The following DCBLD2 variants were observed in gnomAD, a reference collection of about 807,000 sequenced individuals.
DCBLD2 encodes the protein discoidin, CUB and LCCL domain-containing protein 2.
Under a neutral mutation model 86.8 loss-of-function variants are expected in DCBLD2, and 54 were observed. The ratio of observed to expected loss-of-function variants is 0.62; its 90% CI spans 0.50 to 0.78. DCBLD2 has a LOEUF of 0.78. Among genes scored for constraint, DCBLD2 ranks in the 30% least tolerant of loss-of-function variants. The pLI is 0.00. For synonymous variants in DCBLD2, 354 were observed against 341.3 expected (o/e 1.04, Z -0.41); for missense variants, 908 against 954.2 (o/e 0.95, Z 0.64).
rs1173486266 is a variant in DCBLD2 at position 98,822,308 on chromosome 3, C to T, written c.750G>A (p.Leu250=). 1 of 1,613,958 alleles carries T rather than the reference C, an allele frequency of 6.2e-7. No homozygotes were observed. Among genetic ancestry groups the T allele is most frequent in the Admixed American group, 1.7e-5 (1 of 60,014 alleles). The change falls in exon 6 of 16, where the codon TTG becomes TTA. Residue 250 remains leucine (L), a synonymous_variant. Transcript: ENST00000326840. The part of the protein sequence containing the change: ...GVHAGVVSNT[L]GGQISVVISK... ...TAATTACAACACTGATTTGGCCGCC[C>T]AACGTGTTTGACACTACTCCTGCAT...
chr3:98,866,261 T>C (rs899563801), intron 2 of DCBLD2, among the ~76,000 whole-genome samples: 12 of 152,166 alleles, frequency 7.9e-5, no homozygotes, highest in African/African-American at 2.7e-4. Flanking sequence ...TATTTCTAGT[T>C]CTAGATCCCT....
intron 13 of DCBLD2, among the ~76,000 whole-genome samples, chr3:98,805,531 G>A (rs1431330452): frequency 6.6e-6 from 1 of 152,142 alleles, no homozygotes; most frequent in Non-Finnish European, 1.5e-5. Flanking sequence ...AAAGTGCTTA[G>A]AATGAGCTCT....
chr3:98,815,546 T>C (rs1942005291), intron 9 of DCBLD2: 1 of 151,988 alleles, frequency 6.6e-6, no homozygotes, highest in Non-Finnish European at 1.5e-5. Flanking sequence ...TAAAAAAAAT[T>C]CGGGCAGGTA....
At chr3:98,841,625 A>G (rs1306391270) in intron 3 of DCBLD2, among the ~76,000 whole-genome samples, 1 of 152,172 alleles carries the variant, frequency 6.6e-6, no homozygotes, top group African/African-American at 2.4e-5. Flanking sequence ...TTCCTTCAAT[A>G]CTGTTTTGTG....
At chr3:98,829,367 T>C (rs959349700) in intron 3 of DCBLD2, among the ~76,000 whole-genome samples, 11 of 152,170 alleles carry the variant, frequency 7.2e-5, no homozygotes, top group Middle Eastern at 3.2e-3. Context: ...GGGGGTTTGC[T>C]GTATCTTTTG....
intron 6 of DCBLD2, chr3:98,820,981 G>GAAAAAAAA (rs372054460): frequency 1.1e-5 from 1 of 90,768 alleles, no homozygotes; most frequent in African/African-American, 4.2e-5. Flanking sequence ...AAATAATCTA[G>GAAAAAAAA]AAAAAAAAAA....
intron 7 of DCBLD2, among the ~76,000 whole-genome samples, chr3:98,819,756 C>A (rs985806569): frequency 6.6e-6 from 1 of 152,290 alleles, no homozygotes; most frequent in African/African-American, 2.4e-5. Context: ...GAGGTCTTCC[C>A]TGGGAGGAAG....
chr3:98,886,039 G>GA (rs576273103), intron 1 of DCBLD2, among the ~76,000 whole-genome samples: 132 of 151,930 alleles, frequency 8.7e-4, no homozygotes, highest in African/African-American at 3.0e-3. Context: ...GAAAATCTCA[G>GA]AAAAAAGATC....
Position 98,805,813 on chromosome 3 carries a change from T to C in DCBLD2, c.1670+2268A>G, listed in dbSNP as rs557513461. ...CAGGCTCTGTCTGACTTCTGCCCTCTCAACAGCGGCACTCCTCAGTCCTCC... is the reference window on the plus strand; with the variant it reads ...CAGGCTCTGTCTGACTTCTGCCCTCCCAACAGCGGCACTCCTCAGTCCTCC... On this transcript the variant is annotated intron_variant, in intron 13 of 15. Coordinates refer to ENST00000326840, the MANE Select transcript of DCBLD2 (RefSeq NM_080927.4). Among the ~76,000 whole-genome samples the C allele has an allele frequency of 4.6e-5, 7 of 152,290 alleles. No homozygotes were observed. The East Asian group carries it at 9.6e-4, about 21-fold the overall frequency.
intron 13 of DCBLD2, among the ~76,000 whole-genome samples, chr3:98,807,437 T>C (rs565747021): frequency 1.3e-5 from 2 of 152,260 alleles, no homozygotes; most frequent in East Asian, 3.9e-4. Flanking sequence ...CCTTCCACCA[T>C]GAGAGGATCG....
intron 3 of DCBLD2, among the ~76,000 whole-genome samples, chr3:98,845,601 A>G (rs1942706716): frequency 6.6e-6 from 1 of 152,212 alleles, no homozygotes; most frequent in Admixed American, 6.5e-5. Context: ...GGAAGACTGC[A>G]TAAACAAAAA....
intron 3 of DCBLD2, among the ~76,000 whole-genome samples, chr3:98,835,938 C>CTTTCTTTTTTTTTTTTTTTTT (rs56279917): frequency 1.7e-5 from 2 of 115,052 alleles, no homozygotes; most frequent in African/African-American, 3.4e-5. Context: ...TCCTTTCTTT[C>CTTTCTTTTTTTTTTTTTTTTT]TTTTTTTTTT....
At chr3:98,870,700 GA>G (rs1323394272) in intron 2 of DCBLD2, among the ~76,000 whole-genome samples, 7 of 129,186 alleles carry the variant, frequency 5.4e-5, no homozygotes, top group Middle Eastern at 3.6e-3. Context: ...GAAAAAGAGA[GA>G]GAAAAAAAGA....
intron 14 of DCBLD2, 137 bp from the exon 15 acceptor site, chr3:98,800,853 C>CT (rs11374885): frequency 0.33 from 277,048 of 831,094 alleles, 15,884 homozygotes; most frequent in African/African-American, 0.51. Flanking sequence ...TATAATCCAA[C>CT]TTTTTTTTTT....
chr3:98,814,519 C>T (rs1941989069), intron 9 of DCBLD2: 1 of 152,020 alleles, frequency 6.6e-6, no homozygotes, highest in African/African-American at 2.4e-5. Context: ...GCTACAGTTC[C>T]CACCCTCAAG....
At chr3:98,818,402 A>G (rs1288214481) in intron 8 of DCBLD2, among the ~76,000 whole-genome samples, 2 of 152,162 alleles carry the variant, frequency 1.3e-5, no homozygotes, top group Admixed American at 1.3e-4. Flanking sequence ...ACTGTAGGAG[A>G]CCGTTATTTT....
intron 7 of DCBLD2, among the ~76,000 whole-genome samples, chr3:98,819,855 T>C (rs915433939): frequency 3.9e-5 from 6 of 152,314 alleles, no homozygotes; most frequent in Admixed American, 2.0e-4. Flanking sequence ...AATTTATTCA[T>C]TGCTTATCAT....
intron 1 of DCBLD2, among the ~76,000 whole-genome samples, chr3:98,885,786 G>A (rs1218774876): frequency 6.6e-6 from 1 of 151,858 alleles, no homozygotes; most frequent in African/African-American, 2.4e-5. Context: ...CTCAAAAGGT[G>A]GGTTGCAGGG....
intron 4 of DCBLD2, among the ~76,000 whole-genome samples, chr3:98,823,231 T>G (rs1942156118): frequency 6.6e-6 from 1 of 152,226 alleles, no homozygotes; most frequent in Non-Finnish European, 1.5e-5. Flanking sequence ...ATATATAATA[T>G]GTCTTTACTC....
Sources: gnomAD v4.1 joint callset for allele counts (sites outside exome capture counted in the v4.1 genomes callset) on GRCh38, gnomAD v4.1.1 for gene constraint, MANE v1.5 for transcripts, NCBI Gene and HGNC (gene_info 2026-07-23, HGNC 2026-07-21) for gene names.